The following SLC25A23 variants were observed in gnomAD, a reference collection of about 807,000 sequenced individuals.
The protein encoded by SLC25A23 is solute carrier family 25 member 23.
Under a neutral mutation model 53.9 loss-of-function variants are expected in SLC25A23, and 32 were observed. That is an observed-to-expected ratio of 0.59 (90% CI 0.45 to 0.80). The LOEUF (loss-of-function observed/expected upper bound fraction) is 0.80. Ranked by LOEUF, SLC25A23 falls within the 30% of genes least tolerant of loss-of-function variation. The probability of loss-of-function intolerance (pLI) is 0.00; values close to 1 mark genes in which losing one functional copy is unlikely to be tolerated. For missense variants in SLC25A23, 575 were observed against 651.4 expected (o/e 0.88, Z 1.28); for synonymous variants, 275 against 264.5 (o/e 1.04, Z -0.38).
rs1192689987 is a variant in SLC25A23 at position 6,454,606 on chromosome 19, A to T, written c.595T>A (p.Ser199Thr). 6.2e-7 allele frequency: 1 copy of T among 1,613,728 alleles called. No homozygotes were observed. The highest frequency in any genetic ancestry group is 8.5e-7 in the Non-Finnish European group (1 of 1,180,010). ...LVAGAVAGAV[S>T]RTGTAPLDRL... ...TCCAGAGGGGCCGTGCCTGTCCGTGACACGGCACCTGCCACTGCGCCGGCC... is the reference window on the plus strand; with the variant it reads ...TCCAGAGGGGCCGTGCCTGTCCGTGTCACGGCACCTGCCACTGCGCCGGCC... The change falls in exon 5 of 10, where the codon TCA becomes ACA. Residue 199 changes from serine (S) to threonine (T), a missense_variant. Transcript: ENST00000301454. The surrounding 1 kb of genome is among the most constrained non-coding windows in gnomAD (Gnocchi z 4.3).
rs778754936 is a variant in SLC25A23 at position 6,457,604 on chromosome 19, C to T, written c.284-14G>A. ...CATCAATGTGACCTGGGGAGGGGGC[C>T]GGAGGTGGGGAAGGATGTGCGTGTG... On this transcript the variant is annotated splice_polypyrimidine_tract_variant and intron_variant, in intron 2 of 9. Transcript: ENST00000301454. The T allele has an allele frequency of 2.9e-5, 47 of 1,612,260 alleles. No individual in the cohort carries two copies. Among genetic ancestry groups the T allele is most frequent in the South Asian group, 2.3e-4 (21 of 91,030 alleles).
intron 3 of SLC25A23, among the ~76,000 whole-genome samples, chr19:6,457,065 CTT>C (rs35460136): frequency 5.4e-4 from 71 of 132,056 alleles, no homozygotes; most frequent in Admixed American, 6.1e-4. Flanking sequence ...ATTTTTCTTT[CTT>C]TTTTTTTTTT....
downstream of SLC25A23, among the ~76,000 whole-genome samples, chr19:6,439,313 C>A (rs1399705253): frequency 1.3e-5 from 2 of 151,716 alleles, no homozygotes; most frequent in Admixed American, 1.3e-4. Flanking sequence ...CGCTTGAGCA[C>A]AGGAATTCGA....
chr19:6,456,395 CT>C (rs1412101772), intron 4 of SLC25A23, 24 bp downstream of exon 4: 1 of 1,602,146 alleles, frequency 6.2e-7, no homozygotes, highest in Non-Finnish European at 8.6e-7. Context: ...CAGCCTTCAG[CT>C]GGGGAAAGCC....
intron 8 of SLC25A23, among the ~76,000 whole-genome samples, chr19:6,445,417 C>T (rs1236342092): frequency 6.6e-6 from 1 of 152,168 alleles, no homozygotes; most frequent in Non-Finnish European, 1.5e-5. Context: ...CACAAGGGCC[C>T]TTCTAAGAGT....
At position 6,459,554 on chromosome 19, in the gene SLC25A23, C is replaced by T. The variant is rs1292294173; in HGVS notation, c.75G>A (p.Lys25=). The T allele has an allele frequency of 6.3e-7, 1 of 1,598,752 alleles. No homozygotes were observed. Among genetic ancestry groups the T allele is most frequent in the Non-Finnish European group, 8.5e-7 (1 of 1,177,040 alleles). Residue 25 remains lysine (K), a synonymous_variant, in exon 1 of 10, where the codon AAG becomes AAA. Transcript: ENST00000301454. The surrounding 1 kb of genome is among the most constrained non-coding windows in gnomAD (Gnocchi z 4.6). ...GRLFEELDSN[K]DGRVDVHELR... ...ACTCGTGCACGTCCACGCGGCCATCCTTGTTACTGTCCAGCTCCTCGAACA... is the reference window on the plus strand; with the variant it reads ...ACTCGTGCACGTCCACGCGGCCATCTTTGTTACTGTCCAGCTCCTCGAACA...
chr19:6,448,377 C>A lies in SLC25A23; in HGVS notation c.1071+3935G>T, dbSNP rs189947957. Reference sequence around the variant, plus strand: ...TCTTTTGGGTCTAGAACAGCACTTGCCAAATAGATGTTTAATGGGTTATTA... The same window carrying A: ...TCTTTTGGGTCTAGAACAGCACTTGACAAATAGATGTTTAATGGGTTATTA... On this transcript the variant is annotated intron_variant, in intron 8 of 9. Coordinates refer to ENST00000301454, the MANE Select transcript of SLC25A23 (RefSeq NM_024103.3). 3.3e-5 allele frequency among the ~76,000 whole-genome samples: 5 copies of A among 152,118 alleles called. No individual in the cohort carries two copies. In the East Asian group the frequency reaches 9.7e-4, roughly 29 times the overall value.
intron 9 of SLC25A23, chr19:6,443,527 C>T (rs1220947381): frequency 7.2e-6 from 5 of 695,964 alleles, no homozygotes; most frequent in African/African-American, 3.5e-5. Flanking sequence ...TGTGCCCGGC[C>T]TCCTTCTCCC....
Position 6,458,329 on chromosome 19 carries a change from C to T in SLC25A23, c.157-5G>A. 6.2e-7 allele frequency: 1 copy of T among 1,611,986 alleles called. No individual in the cohort carries two copies. Among genetic ancestry groups the T allele is most frequent in the Non-Finnish European group, 8.5e-7 (1 of 1,179,690 alleles). On this transcript the variant is annotated splice_region_variant and splice_polypyrimidine_tract_variant and intron_variant, in intron 1 of 9. Coordinates refer to ENST00000301454, the MANE Select transcript of SLC25A23 (RefSeq NM_024103.3). ...ATCACCCTCAGAGGAGATACCCTGA[C>T]AGAGGGAAAGGGGATAGAGGTGGCT... is the stretch of plus-strand genomic sequence containing the variant.
Position 6,442,171 on chromosome 19 carries a change from C to T in SLC25A23, c.1223-12G>A, listed in dbSNP as rs535855605. On this transcript the variant is annotated splice_polypyrimidine_tract_variant and intron_variant, in intron 9 of 9. Coordinates refer to ENST00000301454, the MANE Select transcript of SLC25A23 (RefSeq NM_024103.3). ...ACCCTCGATGGAGGCTGGGAGGGGG[C>T]GGGGGGGGCACCAGGTAAGGCCAAC... The T allele has an allele frequency of 9.4e-5, 56 of 598,462 alleles. No homozygotes were observed. In the East Asian group the frequency reaches 1.0e-3, roughly 11 times the overall value. The allele number at this position is 598,462 out of a possible 1,614,324, so 37.1% of individuals were successfully genotyped here.
chr19:6,440,792 C>T lies in SLC25A23; in HGVS notation c.*1183G>A, dbSNP rs1334915420. 3 of 152,124 alleles carry T rather than the reference C, an allele frequency of 2.0e-5. No homozygotes were observed. The highest frequency in any genetic ancestry group is 1.9e-4 in the East Asian group (1 of 5,190). 9.4% of individuals were successfully genotyped at this position (152,124 alleles called of 1,614,324 possible). A position where few individuals can be genotyped will look rare whatever the true frequency, so the allele number is the denominator to read the frequency against. On this transcript the variant is annotated 3_prime_UTR_variant, in exon 10 of 10. Coordinates refer to ENST00000301454, the MANE Select transcript of SLC25A23 (RefSeq NM_024103.3). ...CATGCAATTTCATGTCATGAGAAGC[C>T]GGCTCTGGGCACCAGTGTGTGTGGG...
At chr19:6,452,588 A>G (rs1418214448) in intron 7 of SLC25A23, 109 bp from the exon 8 acceptor site, 2 of 1,336,998 alleles carry the variant, frequency 1.5e-6, no homozygotes, top group Non-Finnish European at 2.0e-6. Flanking sequence ...CCTGAGAACA[A>G]CCGAATTTTA....
chr19:6,455,987 G>A, intron 4 of SLC25A23: 1 of 1,289,742 alleles, frequency 7.8e-7, no homozygotes, highest in South Asian at 1.2e-5. Flanking sequence ...CCAAAGTGCT[G>A]GGATTTTAGG....
Position 6,441,663 on chromosome 19 carries a change from A to T in SLC25A23, c.*312T>A, listed in dbSNP as rs1460435942. 1.0e-5 allele frequency: 4 copies of T among 395,422 alleles called. No homozygotes were observed. Among genetic ancestry groups the T allele is most frequent in the South Asian group, 4.8e-5 (2 of 41,510 alleles). The allele number at this position is 395,422 out of a possible 1,614,324, so 24.5% of individuals were successfully genotyped here. ...AAGGGCTGGGGTGTGGATAATCTTGAATCTTGTGGTTAGGGTAGCAGACTT... is the reference window on the plus strand; with the variant it reads ...AAGGGCTGGGGTGTGGATAATCTTGTATCTTGTGGTTAGGGTAGCAGACTT... On this transcript the variant is annotated 3_prime_UTR_variant, in exon 10 of 10. Transcript: ENST00000301454.
rs930498576 is a variant in SLC25A23 at position 6,459,702 on chromosome 19, C to A, written c.-74G>T. ...GGGGCTTCGCGGCTCCCCCTCCCCC[C>A]CCGGGACCCCGCAGGGTCAGCTCCC... On this transcript the variant is annotated 5_prime_UTR_variant, in exon 1 of 10. Coordinates refer to ENST00000301454, the MANE Select transcript of SLC25A23 (RefSeq NM_024103.3). This position sits in a 1 kb window ranked among gnomAD's most constrained non-coding sequence, Gnocchi z 4.6. 108 of 1,198,350 alleles carry A rather than the reference C, an allele frequency of 9.0e-5. No homozygotes were observed. Among genetic ancestry groups the A allele is most frequent in the Non-Finnish European group, 1.1e-4 (105 of 957,484 alleles). The allele number at this position is 1,198,350 out of a possible 1,614,324, so 74.2% of individuals were successfully genotyped here.
intron 8 of SLC25A23, among the ~76,000 whole-genome samples, chr19:6,446,643 G>A (rs1306804535): frequency 6.6e-6 from 1 of 152,062 alleles, no homozygotes; most frequent in African/African-American, 2.4e-5. Context: ...CATCTCTCTG[G>A]TGCAGCATGT....
intron 9 of SLC25A23, chr19:6,443,750 CG>C: frequency 3.4e-6 from 2 of 582,024 alleles, no homozygotes; most frequent in Non-Finnish European, 3.1e-6. Flanking sequence ...GTGGAGGGGA[CG>C]GGGGGAAATA....
At chr19:6,452,750 C>T (rs556702773) in intron 7 of SLC25A23, 11 of 355,268 alleles carry the variant, frequency 3.1e-5, no homozygotes, top group South Asian at 2.1e-4. Flanking sequence ...GATGGGGACT[C>T]GCTACTTTGC....
chr19:6,455,744 G>C (rs2092672121), intron 4 of SLC25A23, among the ~76,000 whole-genome samples: 2 of 136,126 alleles, frequency 1.5e-5, no homozygotes, highest in African/African-American at 2.9e-5. Context: ...TTGAGACGGA[G>C]TGTGGCTCTG....
Sources: gnomAD v4.1 joint callset for allele counts (sites outside exome capture counted in the v4.1 genomes callset) on GRCh38, gnomAD v4.1.1 for gene constraint, Gnocchi (gnomAD v3.1) non-coding constraint, MANE v1.5 for transcripts, NCBI Gene and HGNC (gene_info 2026-07-23, HGNC 2026-07-21) for gene names.